Variants in FGGY observed in about 807,000 individuals in gnomAD.
FGGY encodes FGGY carbohydrate kinase domain-containing protein.
Under a neutral mutation model 71.3 loss-of-function variants are expected in FGGY, and 72 were observed. The ratio of observed to expected loss-of-function variants is 1.01; its 90% CI spans 0.84 to 1.23. FGGY has a LOEUF of 1.23. FGGY is among the 50% of genes most tolerant of loss of function. The pLI is 0.00. For missense variants in FGGY, 668 were observed against 682.3 expected (o/e 0.98, Z 0.23); for synonymous variants, 251 against 250.3 (o/e 1.00, Z -0.02).
intron 14 of FGGY, among the ~76,000 whole-genome samples, chr1:59,713,858 A>T (rs2097821124): frequency 6.6e-6 from 1 of 152,212 alleles, no homozygotes; most frequent in African/African-American, 2.4e-5. Flanking sequence ...TTTGTTGCAT[A>T]CTTCAGTATT....
At chr1:59,427,208 A>G (rs7546069) in intron 5 of FGGY, among the ~76,000 whole-genome samples, 152,091 of 152,322 alleles carry the variant, frequency 1, 75,931 homozygotes, top group Non-Finnish European at 1. Context: ...GGTCCATAGC[A>G]GGCACCCAGG....
rs141420297 is a variant in FGGY, at chr1:59,346,051, A to C, written c.314-196A>C. Among the ~76,000 whole-genome samples, 496 of 152,328 alleles carry C rather than the reference A, an allele frequency of 3.3e-3. 4 individuals are homozygous for C. The highest frequency in any genetic ancestry group is 0.011 in the African/African-American group (460 of 41,580). On this transcript the variant is annotated intron_variant, in intron 3 of 15. Coordinates refer to ENST00000303721, the MANE Select transcript of FGGY (RefSeq NM_018291.5). ...TTCTAAGGTCATGGTCAGAGAACAC[A>C]TGACTGGACGGGAAATTCCAGGCCT...
intron 14 of FGGY, among the ~76,000 whole-genome samples, chr1:59,745,696 G>T (rs2098190655): frequency 6.6e-6 from 1 of 152,158 alleles, no homozygotes; most frequent in South Asian, 2.1e-4. Flanking sequence ...CTATTGAATT[G>T]GGCAGTTAAG....
chr1:59,642,002 C>A (rs545681052), intron 11 of FGGY, among the ~76,000 whole-genome samples: 71 of 152,224 alleles, frequency 4.7e-4, no homozygotes, highest in African/African-American at 1.7e-3. Flanking sequence ...CCCCCCACAA[C>A]CCTGTTCCCA....
intron 6 of FGGY, among the ~76,000 whole-genome samples, chr1:59,497,529 A>T (rs1416177454): frequency 6.6e-6 from 1 of 152,226 alleles, no homozygotes; most frequent in East Asian, 1.9e-4. Context: ...CAGAGGTTGC[A>T]GTAAGCCGAG....
chr1:59,392,617 C>A (rs1323139935), intron 5 of FGGY, among the ~76,000 whole-genome samples: 2 of 152,200 alleles, frequency 1.3e-5, no homozygotes, highest in Non-Finnish European at 2.9e-5. Context: ...TAAAGTCAAA[C>A]CTTAGAATCC....
chr1:59,373,732 G>C (rs1239367664), intron 4 of FGGY, among the ~76,000 whole-genome samples: 2 of 152,088 alleles, frequency 1.3e-5, no homozygotes, highest in Admixed American at 6.6e-5. Flanking sequence ...GAACAGAACA[G>C]AGCCCTCAGA....
intron 10 of FGGY, among the ~76,000 whole-genome samples, chr1:59,632,650 A>C (rs1243726777): frequency 6.6e-6 from 1 of 152,238 alleles, no homozygotes; most frequent in Non-Finnish European, 1.5e-5. Context: ...GCTTAGTGAT[A>C]ATAGTTTCAC....
intron 6 of FGGY, among the ~76,000 whole-genome samples, chr1:59,510,691 A>T (rs2094498048): frequency 6.6e-6 from 1 of 152,244 alleles, no homozygotes; most frequent in Admixed American, 6.5e-5. Flanking sequence ...TTAACTTAGT[A>T]TATTCAAATT....
intron 8 of FGGY, among the ~76,000 whole-genome samples, chr1:59,599,710 A>AATATGT (rs1410606170): frequency 6.9e-6 from 1 of 145,510 alleles, no homozygotes; most frequent in South Asian, 2.3e-4. Flanking sequence ...AAAAAAAAGG[A>AATATGT]ATATGTATAA....
intron 11 of FGGY, chr1:59,641,344 C>T: frequency 6.2e-7 from 1 of 1,600,346 alleles, no homozygotes; most frequent in Non-Finnish European, 8.5e-7. Flanking sequence ...TCTCTACTCT[C>T]CCCTCAGGTG....
At chr1:59,727,728 C>G (rs1007894408) in intron 14 of FGGY, among the ~76,000 whole-genome samples, 1 of 152,100 alleles carries the variant, frequency 6.6e-6, no homozygotes, top group Non-Finnish European at 1.5e-5. Context: ...AGAAAAGAGC[C>G]TGAATAGCCA....
chr1:59,612,660 T>C (rs2096700837), intron 9 of FGGY, among the ~76,000 whole-genome samples: 1 of 152,182 alleles, frequency 6.6e-6, no homozygotes, highest in Non-Finnish European at 1.5e-5. Context: ...TAACCTTATA[T>C]GTAAATGGGC....
intron 8 of FGGY, among the ~76,000 whole-genome samples, chr1:59,563,734 A>T (rs1251445188): frequency 6.6e-6 from 1 of 152,218 alleles, no homozygotes; most frequent in Non-Finnish European, 1.5e-5. Flanking sequence ...TATAGCCAAG[A>T]CAATCCTAAG....
intron 13 of FGGY, among the ~76,000 whole-genome samples, chr1:59,672,606 G>A (rs1361245074): frequency 6.6e-6 from 1 of 152,114 alleles, no homozygotes; most frequent in South Asian, 2.1e-4. Flanking sequence ...GTTGAGAGCT[G>A]GTATTCCTAA....
In FGGY at chr1:59,377,597, A is replaced by C. The variant is rs1571288745; in HGVS notation, c.466-1152A>C. On this transcript the variant is annotated intron_variant, in intron 4 of 15. Transcript: ENST00000303721. ...GATTCAAGATGAGATTTGAGTGAAGACACAGCCAAACCATATCAACATTAC... is the reference window on the plus strand; with the variant it reads ...GATTCAAGATGAGATTTGAGTGAAGCCACAGCCAAACCATATCAACATTAC... Among the ~76,000 whole-genome samples the C allele has an allele frequency of 2.6e-5, 4 of 152,328 alleles. No homozygotes were observed. The South Asian group carries it at 6.2e-4, about 24-fold the overall frequency.
intron 14 of FGGY, among the ~76,000 whole-genome samples, chr1:59,717,683 G>A (rs2097855364): frequency 1.3e-5 from 2 of 152,090 alleles, no homozygotes; most frequent in Admixed American, 1.3e-4. Flanking sequence ...CATAGTTGAG[G>A]GACATAAGAC....
At chr1:59,471,602 TTTC>T (rs761250952) in intron 6 of FGGY, among the ~76,000 whole-genome samples, 7 of 152,320 alleles carry the variant, frequency 4.6e-5, no homozygotes, top group Admixed American at 2.6e-4. Flanking sequence ...TAGTATCGAA[TTTC>T]TGCCTGATAA....
chr1:59,738,195 G>C (rs1012313056), intron 14 of FGGY, among the ~76,000 whole-genome samples: 1 of 152,208 alleles, frequency 6.6e-6, no homozygotes, highest in Non-Finnish European at 1.5e-5. Context: ...GAAACTCCCA[G>C]CTGCAAACAC....
Sources: gnomAD v4.1 joint callset for allele counts (sites outside exome capture counted in the v4.1 genomes callset) on GRCh38, gnomAD v4.1.1 for gene constraint, MANE v1.5 for transcripts, NCBI Gene and HGNC (gene_info 2026-07-23, HGNC 2026-07-21) for gene names.